The following TRPM3 variants were observed in gnomAD, a reference collection of about 807,000 sequenced individuals.
TRPM3 encodes the protein long transient receptor potential channel 3.
TRPM3 carries 77 observed loss-of-function variants against 181.2 expected under a neutral mutation model. That is an observed-to-expected ratio of 0.42 (90% confidence interval 0.35 to 0.51). TRPM3 has a LOEUF of 0.51. TRPM3 is among the 20% of genes least tolerant of loss of function. TRPM3 has a pLI of 0.01. For missense variants in TRPM3, 1,759 were observed against 2,196.7 expected (o/e 0.80, Z 3.98); for synonymous variants, 745 against 796.4 (o/e 0.94, Z 1.09).
intron 1 of TRPM3, among the ~76,000 whole-genome samples, chr9:71,311,581 T>C (rs908740044): frequency 5.3e-5 from 8 of 152,028 alleles, no homozygotes; most frequent in African/African-American, 1.9e-4. Flanking sequence ...TGAATCTAGA[T>C]ACAGACTTTT....
rs2081050575 is a variant in TRPM3, at chr9:71,231,529, C to T, written c.183+215124G>A. ...CCTCCAGAATTCTGAGAGAACAGAT[C>T]TGTGCTCTTTTTTTGAGCCACTGAA... On this transcript the variant is annotated intron_variant, in intron 1 of 24. Coordinates refer to the TRPM3 transcript ENST00000357533. Among the ~76,000 whole-genome samples the T allele has an allele frequency of 2.0e-5, 3 of 152,304 alleles. No homozygotes were observed. In the South Asian group the frequency reaches 6.2e-4, roughly 32 times the overall value.
chr9:70,793,446 G>T (rs1208102239), intron 6 of TRPM3: 2 of 117,208 alleles, frequency 1.7e-5, no homozygotes, highest in Admixed American at 1.0e-4. Flanking sequence ...ACAGAGTGAG[G>T]CTTTGTCTCA....
chr9:71,051,367 C>T (rs1435814148), intron 1 of TRPM3, among the ~76,000 whole-genome samples: 1 of 152,104 alleles, frequency 6.6e-6, no homozygotes, highest in Non-Finnish European at 1.5e-5. Context: ...TATCTCATTT[C>T]AACATTACTG....
chr9:71,005,122 G>A lies in TRPM3; in HGVS notation c.177+116056C>T, dbSNP rs1177942972. Among the ~76,000 whole-genome samples, 4 of 152,262 alleles carry A rather than the reference G, an allele frequency of 2.6e-5. No homozygotes were observed. In the East Asian group the frequency reaches 5.8e-4, roughly 22 times the overall value. On this transcript the variant is annotated intron_variant, in intron 1 of 25. Transcript: ENST00000677713. ...GAAAGGCAACAGCATTAAGATAAAG[G>A]AAGTGGCCAGGCACAGTGGCTCATG... is the stretch of plus-strand genomic sequence containing the variant.
At chr9:70,698,103 G>T (rs946166560) in intron 8 of TRPM3, among the ~76,000 whole-genome samples, 1 of 151,812 alleles carries the variant, frequency 6.6e-6, no homozygotes, top group African/African-American at 2.4e-5. Flanking sequence ...AGCTACTCAG[G>T]AGGCTGGGGC....
At chr9:70,838,086 G>C (rs1490884551) in intron 5 of TRPM3, among the ~76,000 whole-genome samples, 1 of 152,150 alleles carries the variant, frequency 6.6e-6, no homozygotes, top group Non-Finnish European at 1.5e-5. Context: ...AAGACAGGCA[G>C]AACAAGTGTT....
intron 9 of TRPM3, among the ~76,000 whole-genome samples, chr9:70,649,747 A>G (rs1259103454): frequency 6.6e-6 from 1 of 152,216 alleles, no homozygotes; most frequent in Admixed American, 6.5e-5. Flanking sequence ...TCCTGTGGAA[A>G]GCAGTCCAGA....
chr9:70,775,314 A>G (rs1009212434), intron 7 of TRPM3: 2 of 152,202 alleles, frequency 1.3e-5, no homozygotes, highest in African/African-American at 4.8e-5. Flanking sequence ...AGAAAAATTT[A>G]CTAGAAATTA....
intron 6 of TRPM3, 144 bp from the exon 7 acceptor site, chr9:70,784,423 T>G (rs1205696515): frequency 1.1e-6 from 1 of 904,688 alleles, no homozygotes; most frequent in Admixed American, 3.1e-5. Context: ...GATATGGTAC[T>G]GAGCAAAAAT....
intron 1 of TRPM3, among the ~76,000 whole-genome samples, chr9:71,192,453 TA>T (rs2135012376): frequency 6.6e-6 from 1 of 152,078 alleles, no homozygotes; most frequent in Non-Finnish European, 1.5e-5. Context: ...ACAGCCATCC[TA>T]AAAAGTATGA....
chr9:70,987,315 C>T (rs148769604), intron 1 of TRPM3, among the ~76,000 whole-genome samples: 393 of 152,140 alleles, frequency 2.6e-3, no homozygotes, highest in Non-Finnish European at 3.9e-3. Context: ...TCTATTCTAT[C>T]CCTTTATTCA....
chr9:71,387,210 T>A (rs1174613223), intron 1 of TRPM3, among the ~76,000 whole-genome samples: 1 of 152,182 alleles, frequency 6.6e-6, no homozygotes, highest in African/African-American at 2.4e-5. Context: ...GTAAGCCAGT[T>A]AAGAAGCTTC....
At chr9:70,984,972 G>T (rs61623610) in intron 1 of TRPM3, among the ~76,000 whole-genome samples, 9,730 of 152,242 alleles carry the variant, frequency 0.064, 1,099 homozygotes, top group African/African-American at 0.22. Context: ...GCTTTTTGCT[G>T]TTGGGTTATC....
At chr9:71,346,798 A>AG (rs1308124526) in intron 1 of TRPM3, among the ~76,000 whole-genome samples, 6 of 152,200 alleles carry the variant, frequency 3.9e-5, no homozygotes, top group Non-Finnish European at 8.8e-5. Flanking sequence ...TAGGGGTGGG[A>AG]GGTAGAAGTA....
chr9:70,776,529 A>G (rs2081397974), intron 7 of TRPM3: 1 of 689,878 alleles, frequency 1.4e-6, no homozygotes, highest in African/African-American at 1.8e-5. Flanking sequence ...GGAAATAAGT[A>G]AACTGAATGC....
At chr9:71,051,608 G>T (rs534668045) in intron 1 of TRPM3, among the ~76,000 whole-genome samples, 3 of 151,928 alleles carry the variant, frequency 2.0e-5, no homozygotes, top group African/African-American at 7.3e-5. Context: ...GGGGTGGGGG[G>T]GTTATATAGT....
At chr9:71,227,102 T>G (rs1323720900) in intron 1 of TRPM3, among the ~76,000 whole-genome samples, 1 of 113,788 alleles carries the variant, frequency 8.8e-6, no homozygotes, top group Non-Finnish European at 1.7e-5. Context: ...GCATGATACT[T>G]CATCTCAAAA....
intron 6 of TRPM3, among the ~76,000 whole-genome samples, chr9:70,808,409 CTT>C (rs925063879): frequency 1.4e-4 from 21 of 152,288 alleles, no homozygotes; most frequent in African/African-American, 4.6e-4. Flanking sequence ...AGAAAAGTCT[CTT>C]TGCTGAAAAA....
intron 9 of TRPM3, among the ~76,000 whole-genome samples, chr9:70,676,963 C>T (rs902805615): frequency 1.6e-5 from 2 of 127,212 alleles, no homozygotes; most frequent in African/African-American, 5.8e-5. Context: ...CCACCCACTT[C>T]TCCTGTCCTT....
Sources: allele counts gnomAD v4.1 joint callset (sites outside exome capture counted in the v4.1 genomes callset), GRCh38; gene constraint gnomAD v4.1.1; transcripts MANE v1.5; gene names NCBI Gene and HGNC (gene_info 2026-07-23, HGNC 2026-07-21).